Variants in ERP44 observed in about 807,000 individuals in gnomAD.
ERP44 encodes endoplasmic reticulum resident protein 44.
A neutral mutation model predicts 53.4 loss-of-function variants in ERP44; 25 were observed. The observed-to-expected ratio is 0.47, with a 90% CI of 0.34 to 0.65. The LOEUF (loss-of-function observed/expected upper bound fraction) is 0.65. Ranked by LOEUF, ERP44 falls within the 30% of genes least tolerant of loss-of-function variation. ERP44 has a pLI of 0.01. For synonymous variants in ERP44, 145 were observed against 161.2 expected (o/e 0.90, Z 0.76); for missense variants, 338 against 493.2 (o/e 0.69, Z 2.98).
intron 10 of ERP44, among the ~76,000 whole-genome samples, chr9:99,991,484 G>A (rs922901975): frequency 4.6e-5 from 7 of 151,436 alleles, no homozygotes; most frequent in Non-Finnish European, 7.4e-5. Flanking sequence ...CAAAGACAGT[G>A]TACCAGGGTC....
At position 100,060,107 on chromosome 9, in the gene ERP44, T is replaced by G. The variant is rs200649927; in HGVS notation, c.123A>C (p.Glu41Asp). 23 of 1,469,738 alleles carry G rather than the reference T, an allele frequency of 1.6e-5. No homozygotes were observed. The East Asian group carries it at 6.0e-4, about 38-fold the overall frequency. The allele number at this position is 1,469,738 out of a possible 1,614,324, so 91.0% of individuals were successfully genotyped here. A position where few individuals can be genotyped will look rare whatever the true frequency, so the allele number is the denominator to read the frequency against. ...ITSLDTENIDEILNNADVALV... is the reference protein window; with the variant it reads ...ITSLDTENIDDILNNADVALV... ...AAATATTGAGGTACTTACTTAAAAT[T>G]TCATCTATATTCTCTGTATCAAGAC... is the stretch of plus-strand genomic sequence containing the variant. The change falls in exon 2 of 12, where the codon GAA (glutamate) becomes GAC (aspartate). Residue 41 changes from glutamate to aspartate, a missense_variant. Coordinates refer to ENST00000262455, the MANE Select transcript of ERP44 (RefSeq NM_015051.3).
At chr9:100,073,717 A>G (rs953317006) in intron 1 of ERP44, among the ~76,000 whole-genome samples, 47 of 152,218 alleles carry the variant, frequency 3.1e-4, no homozygotes, top group African/African-American at 1.0e-3. Flanking sequence ...TACATTCTAC[A>G]TAGGTGAGAC....
intron 10 of ERP44, among the ~76,000 whole-genome samples, chr9:99,997,012 C>CA (rs1830318515): frequency 6.9e-6 from 1 of 144,024 alleles, no homozygotes; most frequent in African/African-American, 2.5e-5. Flanking sequence ...TATATATATG[C>CA]ACATATACAC....
chr9:100,020,686 C>A lies in ERP44; in HGVS notation c.517G>T (p.Asp173Tyr). 6.2e-7 allele frequency: 1 copy of A among 1,610,498 alleles called. No individual in the cohort carries two copies. Reference protein sequence around the residue: ...IIGYFEQKDSDNYRVFERVAN... With the variant: ...IIGYFEQKDSYNYRVFERVAN... Reference sequence around the variant, plus strand: ...ACTCGTTCAAAAACTCTATAGTTGTCCGAGTCCTTTTGCTCAAAATATCCA... The same window carrying A: ...ACTCGTTCAAAAACTCTATAGTTGTACGAGTCCTTTTGCTCAAAATATCCA... Residue 173 changes from aspartate (D) to tyrosine (Y), a missense_variant, in exon 6 of 12, where the codon GAC (aspartate) becomes TAC (tyrosine). Around this residue, in one of 3 missense-constraint regions of ERP44, gnomAD observed 224 missense variants for 301.4 expected, o/e 0.74. Transcript: ENST00000262455.
chr9:100,077,194 C>T (rs998020060), intron 1 of ERP44, among the ~76,000 whole-genome samples: 7 of 152,176 alleles, frequency 4.6e-5, no homozygotes, highest in Admixed American at 1.3e-4. Context: ...GACTACCATC[C>T]GTGGACTCGA....
At chr9:100,026,820 C>T (rs572823597) in intron 4 of ERP44, among the ~76,000 whole-genome samples, 1 of 152,108 alleles carries the variant, frequency 6.6e-6, no homozygotes, top group Non-Finnish European at 1.5e-5. Flanking sequence ...CCCAAAGGAT[C>T]TGGCAGAGAG....
In ERP44 at chr9:99,979,947, G is replaced by A. The variant is rs1473397799; in HGVS notation, c.*2665C>T. 2.5e-6 allele frequency: 1 copy of A among 398,436 alleles called. No homozygotes were observed. The highest frequency in any genetic ancestry group is 3.6e-5 in the East Asian group (1 of 28,086). The allele number at this position is 398,436 out of a possible 1,614,324, so 24.7% of individuals were successfully genotyped here. On this transcript the variant is annotated 3_prime_UTR_variant, in exon 12 of 12. Coordinates refer to ENST00000262455, the MANE Select transcript of ERP44 (RefSeq NM_015051.3). ...CAAACCCCTTAGTCTGGCACACAAG[G>A]CCCTGTGTGACCAGCTCCCATTTCT...
chr9:100,023,949 G>A (rs756822372), intron 4 of ERP44, among the ~76,000 whole-genome samples: 1 of 152,106 alleles, frequency 6.6e-6, no homozygotes, highest in Non-Finnish European at 1.5e-5. Flanking sequence ...GAGGTCAGGA[G>A]TTTGAGACCA....
intron 10 of ERP44, among the ~76,000 whole-genome samples, chr9:99,992,893 T>C (rs1830270491): frequency 6.6e-6 from 1 of 152,188 alleles, no homozygotes; most frequent in African/African-American, 2.4e-5. Flanking sequence ...AGCCAAATCA[T>C]GAGTGAACTC....
rs1830160862 is a variant in ERP44 at position 99,982,701 on chromosome 9, C to T, written c.1132G>A (p.Val378Ile). 1.2e-6 allele frequency: 2 copies of T among 1,603,038 alleles called. No individual in the cohort carries two copies. Among genetic ancestry groups the T allele is most frequent in the Non-Finnish European group, 1.7e-6 (2 of 1,176,114 alleles). The change falls in exon 12 of 12, where the codon GTA becomes ATA. Residue 378 changes from valine (V) to isoleucine (I), a missense_variant. Val to Ile is a conservative substitution (Grantham distance 29). Around this residue, in one of 3 missense-constraint regions of ERP44, gnomAD observed 113 missense variants for 172.6 expected, o/e 0.65. Transcript: ENST00000262455. ...DTAPGEQAQD[V>I]ASSPPESSFQ... ...GAGCTCTCAGGTGGACTGCTTGCTA[C>T]ATCTTGGGCTTGCTACAAAAGAAAG...
At chr9:100,001,488 A>G (rs908637958) in intron 10 of ERP44, among the ~76,000 whole-genome samples, 4 of 152,178 alleles carry the variant, frequency 2.6e-5, no homozygotes, top group East Asian at 1.9e-4. Context: ...AGATCTATTA[A>G]TATTTTCTTT....
At chr9:99,996,091 GGTTT>G (rs1340885304) in intron 10 of ERP44, among the ~76,000 whole-genome samples, 1 of 151,992 alleles carries the variant, frequency 6.6e-6, no homozygotes, top group Non-Finnish European at 1.5e-5. Context: ...GCATATGGTT[GGTTT>G]GTCTCCACCA....
intron 10 of ERP44, among the ~76,000 whole-genome samples, chr9:99,995,648 C>A (rs935303003): frequency 5.9e-5 from 9 of 152,248 alleles, no homozygotes; most frequent in African/African-American, 2.2e-4. Flanking sequence ...CTTCTTATTC[C>A]ACTTAACATA....
chr9:99,986,885 G>A (rs1230256493), intron 10 of ERP44, among the ~76,000 whole-genome samples: 9 of 152,194 alleles, frequency 5.9e-5, no homozygotes, highest in African/African-American at 1.9e-4. Flanking sequence ...ATCATCTACT[G>A]TCACCCACAG....
intron 4 of ERP44, among the ~76,000 whole-genome samples, chr9:100,035,716 AAAAC>A (rs796607419): frequency 2.0e-5 from 3 of 152,212 alleles, no homozygotes; most frequent in Admixed American, 6.5e-5. Flanking sequence ...AGTAAATAAA[AAAAC>A]AAAAAGTGGA....
intron 4 of ERP44, among the ~76,000 whole-genome samples, chr9:100,043,291 A>AAAAAAAAAAAAAAAAAAACAAAAAAAG (rs1168903331): frequency 1.3e-5 from 1 of 74,878 alleles, no homozygotes. Context: ...AAAAAAAAAA[A>AAAAAAAAAAAAAAAAAAACAAAAAAAG]GATAAATAAG....
At chr9:99,992,507 G>T (rs1830266940) in intron 10 of ERP44, among the ~76,000 whole-genome samples, 1 of 152,142 alleles carries the variant, frequency 6.6e-6, no homozygotes, top group Non-Finnish European at 1.5e-5. Flanking sequence ...GGTATTGATG[G>T]AACGTATCTC....
At chr9:100,096,247 A>G (rs929112934) in intron 1 of ERP44, among the ~76,000 whole-genome samples, 5 of 152,146 alleles carry the variant, frequency 3.3e-5, no homozygotes, top group Non-Finnish European at 7.4e-5. Flanking sequence ...AGTGCAGGAA[A>G]AACAGGCAAG....
intron 2 of ERP44, among the ~76,000 whole-genome samples, chr9:100,059,446 G>A (rs62577233): frequency 0.014 from 2,101 of 152,288 alleles, 23 homozygotes; most frequent in Non-Finnish European, 0.023. Flanking sequence ...AGCACTTTGG[G>A]AGGCCAAGAT....
Sources: gnomAD v4.1 joint callset for allele counts (sites outside exome capture counted in the v4.1 genomes callset) on GRCh38, gnomAD v4.1.1 for gene constraint, gnomAD v4.1.1 regional missense constraint, MANE v1.5 for transcripts, NCBI Gene and HGNC (gene_info 2026-07-23, HGNC 2026-07-21) for gene names.